The following HS3ST4 variants were observed in gnomAD, a reference collection of about 807,000 sequenced individuals.
HS3ST4 encodes heparan sulfate glucosamine 3-O-sulfotransferase 4.
Under a neutral mutation model 29.2 loss-of-function variants are expected in HS3ST4, and 17 were observed. That is an observed-to-expected ratio of 0.58 (90% confidence interval 0.40 to 0.87). The LOEUF (loss-of-function observed/expected upper bound fraction) is 0.87, where lower values mean the gene tolerates loss of function less well. HS3ST4 is among the 40% of genes least tolerant of loss of function. The probability of loss-of-function intolerance (pLI) is 0.00; values close to 1 mark genes in which losing one functional copy is unlikely to be tolerated. For missense variants in HS3ST4, 627 were observed against 634.5 expected, an observed-to-expected ratio of 0.99 and a Z score of 0.13; for synonymous variants, 314 against 285.7, an observed-to-expected ratio of 1.10 and a Z score of -1.00.
chr16:25,913,340 C>T (rs1228163576), intron 1 of HS3ST4, among the ~76,000 whole-genome samples: 2 of 152,208 alleles, frequency 1.3e-5, no homozygotes, highest in Admixed American at 6.5e-5. Flanking sequence ...GAATGGGATT[C>T]GTGCCCTTTT....
At chr16:25,864,319 T>A (rs1204603404) in intron 1 of HS3ST4, among the ~76,000 whole-genome samples, 1 of 130,896 alleles carries the variant, frequency 7.6e-6, no homozygotes, top group Non-Finnish European at 1.6e-5. Flanking sequence ...GTCAGAACAT[T>A]TAAGATCTAT....
intron 1 of HS3ST4, among the ~76,000 whole-genome samples, chr16:25,904,774 C>T (rs571975244): frequency 6.6e-6 from 1 of 152,224 alleles, no homozygotes; most frequent in East Asian, 1.9e-4. Flanking sequence ...AGCCACACCT[C>T]GTTCCTGTAT....
At chr16:26,128,796 C>A (rs1221923179) in intron 1 of HS3ST4, among the ~76,000 whole-genome samples, 4 of 152,126 alleles carry the variant, frequency 2.6e-5, no homozygotes, top group Non-Finnish European at 4.4e-5. Context: ...TGAAATTGCC[C>A]TGCTCAGTGC....
chr16:25,962,237 A>G (rs1297551047), intron 1 of HS3ST4, among the ~76,000 whole-genome samples: 1 of 152,148 alleles, frequency 6.6e-6, no homozygotes, highest in African/African-American at 2.4e-5. Context: ...TTCTCGCTGT[A>G]GGGGTCACTT....
chr16:25,719,429 C>T (rs1446385327), intron 1 of HS3ST4, among the ~76,000 whole-genome samples: 1 of 152,198 alleles, frequency 6.6e-6, no homozygotes, highest in East Asian at 1.9e-4. Context: ...AATTTGAATA[C>T]TTTTGGCTGT....
chr16:25,757,725 G>A (rs73528125), intron 1 of HS3ST4, among the ~76,000 whole-genome samples: 3 of 151,712 alleles, frequency 2.0e-5, no homozygotes, highest in African/African-American at 4.8e-5. Flanking sequence ...CATCAAACTC[G>A]GCATTTTTCT....
intron 1 of HS3ST4, among the ~76,000 whole-genome samples, chr16:25,823,721 C>A (rs1347522429): frequency 6.6e-6 from 1 of 152,046 alleles, no homozygotes; most frequent in Non-Finnish European, 1.5e-5. Context: ...CCATGATGCC[C>A]AGCTAAGTTA....
intron 1 of HS3ST4, among the ~76,000 whole-genome samples, chr16:26,068,957 A>T (rs1024698035): frequency 2.0e-5 from 3 of 152,040 alleles, no homozygotes; most frequent in African/African-American, 7.2e-5. Flanking sequence ...TTATTTATTT[A>T]TGTATTGTGT....
chr16:25,759,829 G>A (rs998333721), intron 1 of HS3ST4, among the ~76,000 whole-genome samples: 6 of 152,132 alleles, frequency 3.9e-5, no homozygotes, highest in Non-Finnish European at 8.8e-5. Flanking sequence ...TCGGGAGGCT[G>A]CAGTGAGCTA....
At chr16:25,766,199 G>C (rs1966818121) in intron 1 of HS3ST4, among the ~76,000 whole-genome samples, 1 of 151,870 alleles carries the variant, frequency 6.6e-6, no homozygotes, top group African/African-American at 2.4e-5. Flanking sequence ...CTGTGAACTG[G>C]GCTATCAACA....
intron 1 of HS3ST4, among the ~76,000 whole-genome samples, chr16:25,942,321 C>T (rs995542417): frequency 2.0e-5 from 3 of 152,158 alleles, no homozygotes; most frequent in Non-Finnish European, 2.9e-5. Context: ...AAGTGAGTCA[C>T]CAACCAGTGA....
rs117088678 is a variant in HS3ST4, at chr16:25,991,006, C to T, written c.735-144606C>T. Reference sequence around the variant, plus strand: ...CCCAGTCCTCAACAGAGCCCTGATTCGATGCTTGTTGGAGAATACAGAAAC... The same window carrying T: ...CCCAGTCCTCAACAGAGCCCTGATTTGATGCTTGTTGGAGAATACAGAAAC... On this transcript the variant is annotated intron_variant, in intron 1 of 1. Coordinates refer to ENST00000331351, the MANE Select transcript of HS3ST4 (RefSeq NM_006040.3). Among the ~76,000 whole-genome samples the T allele has an allele frequency of 8.0e-3, 1,221 of 152,224 alleles. 7 individuals are homozygous for T. Among genetic ancestry groups the T allele is most frequent in the Non-Finnish European group, 0.013 (871 of 68,020 alleles).
At chr16:25,922,248 G>T (rs1241091929) in intron 1 of HS3ST4, among the ~76,000 whole-genome samples, 1 of 152,174 alleles carries the variant, frequency 6.6e-6, no homozygotes, top group African/African-American at 2.4e-5. Flanking sequence ...GGTATTAGGA[G>T]GTGGGGCCAC....
intron 1 of HS3ST4, among the ~76,000 whole-genome samples, chr16:25,931,829 G>T (rs1389798072): frequency 6.6e-6 from 1 of 151,932 alleles, no homozygotes; most frequent in Admixed American, 6.6e-5. Flanking sequence ...ATATGGCTCT[G>T]TCTGGGGGCT....
chr16:26,047,138 T>C (rs1898281168), intron 1 of HS3ST4, among the ~76,000 whole-genome samples: 2 of 152,248 alleles, frequency 1.3e-5, no homozygotes, highest in Non-Finnish European at 2.9e-5. Context: ...GAAGTACTCA[T>C]TGGCTAATTA....
intron 1 of HS3ST4, among the ~76,000 whole-genome samples, chr16:26,098,434 G>T (rs1898953935): frequency 6.6e-6 from 1 of 152,114 alleles, no homozygotes. Context: ...GTCCTTTGCA[G>T]GGACAGGGAT....
chr16:25,762,742 C>T (rs971621872), intron 1 of HS3ST4, among the ~76,000 whole-genome samples: 1 of 151,516 alleles, frequency 6.6e-6, no homozygotes, highest in African/African-American at 2.4e-5. Flanking sequence ...AAAAACCACC[C>T]GACGTGTACC....
intron 1 of HS3ST4, among the ~76,000 whole-genome samples, chr16:25,793,710 T>C (rs954382909): frequency 3.9e-5 from 6 of 152,020 alleles, no homozygotes; most frequent in Non-Finnish European, 7.4e-5. Context: ...CATATAGTTT[T>C]AATTTTAATT....
intron 1 of HS3ST4, among the ~76,000 whole-genome samples, chr16:25,873,735 G>T (rs1432429748): frequency 6.7e-6 from 1 of 150,120 alleles, no homozygotes; most frequent in Non-Finnish European, 1.5e-5. Context: ...CATCCAGCTA[G>T]CAAGCCATCC....
Sources: gnomAD v4.1 joint callset for allele counts (sites outside exome capture counted in the v4.1 genomes callset) on GRCh38, gnomAD v4.1.1 for gene constraint, MANE v1.5 for transcripts, NCBI Gene and HGNC (gene_info 2026-07-23, HGNC 2026-07-21) for gene names.